Variants in BTBD9 observed in about 807,000 individuals in gnomAD.
BTBD9 encodes BTB domain containing 9, also known as BTB/POZ domain-containing protein 9.
Under a neutral mutation model 64.3 loss-of-function variants are expected in BTBD9, and 49 were observed. The observed-to-expected ratio is 0.76, with a 90% confidence interval of 0.61 to 0.97. The LOEUF (loss-of-function observed/expected upper bound fraction) is 0.97. Among genes scored for constraint, BTBD9 ranks in the 50% least tolerant of loss-of-function variants. The pLI, the probability that BTBD9 is intolerant of heterozygous loss-of-function variation, is 0.00. For missense variants in BTBD9, 598 were observed against 762.1 expected (o/e 0.78, Z 2.53); for synonymous variants, 260 against 274.7 (o/e 0.95, Z 0.53).
chr6:38,428,814 G>C (rs1001938911), intron 6 of BTBD9, among the ~76,000 whole-genome samples: 2 of 150,020 alleles, frequency 1.3e-5, no homozygotes, highest in African/African-American at 4.9e-5. Context: ...CCGGATTCAC[G>C]CCATTCTCCT....
intron 6 of BTBD9, among the ~76,000 whole-genome samples, chr6:38,513,174 G>A (rs1410214516): frequency 6.6e-6 from 1 of 152,142 alleles, no homozygotes; most frequent in African/African-American, 2.4e-5. Flanking sequence ...AAGTGCTCCT[G>A]GCTGGATGCA....
rs550900985 is a variant in BTBD9 at position 38,228,642 on chromosome 6, G to A, written c.1562+27767C>T. 2.1e-4 allele frequency among the ~76,000 whole-genome samples: 32 copies of A among 151,972 alleles called. 1 individual carries two copies. In the East Asian group the frequency reaches 5.5e-3, roughly 26 times the overall value. ...TGTAATCCCAGCACTTTGGGAGGCC[G>A]AGGTGGGTAGATCGTGAGGTCAGGA... On this transcript the variant is annotated intron_variant, in intron 9 of 10. Coordinates refer to ENST00000481247, the MANE Select transcript of BTBD9 (RefSeq NM_001099272.2).
intron 7 of BTBD9, among the ~76,000 whole-genome samples, chr6:38,294,099 C>T (rs955423929): frequency 2.6e-5 from 4 of 152,142 alleles, no homozygotes; most frequent in Non-Finnish European, 5.9e-5. Flanking sequence ...TAGAGAAATG[C>T]AAATCAAAAC....
At chr6:38,309,093 G>A (rs1762733867) in intron 7 of BTBD9, among the ~76,000 whole-genome samples, 1 of 151,700 alleles carries the variant, frequency 6.6e-6, no homozygotes, top group South Asian at 2.1e-4. Context: ...AAAAAGGCCA[G>A]GTGCAGTGGC....
intron 6 of BTBD9, among the ~76,000 whole-genome samples, chr6:38,346,475 T>TA (rs1033412334): frequency 6.6e-5 from 10 of 152,104 alleles, no homozygotes; most frequent in Non-Finnish European, 1.5e-5. Context: ...TGCTCACACC[T>TA]ACTGCAAGGA....
At chr6:38,372,309 T>C (rs147577697) in intron 6 of BTBD9, among the ~76,000 whole-genome samples, 237 of 152,350 alleles carry the variant, frequency 1.6e-3, no homozygotes, top group Middle Eastern at 3.4e-3. Flanking sequence ...GGAGTCACAT[T>C]CATTATTAAA....
intron 7 of BTBD9, among the ~76,000 whole-genome samples, chr6:38,336,496 G>A (rs1763898645): frequency 6.6e-6 from 1 of 152,120 alleles, no homozygotes; most frequent in South Asian, 2.1e-4. Flanking sequence ...GCCGAAAAAA[G>A]GGGGAAGTCC....
intron 9 of BTBD9, among the ~76,000 whole-genome samples, chr6:38,218,406 C>A (rs1763086028): frequency 6.6e-6 from 1 of 152,170 alleles, no homozygotes; most frequent in Non-Finnish European, 1.5e-5. Context: ...CCTCTTTGTG[C>A]TGCAGTCTGT....
intron 9 of BTBD9, among the ~76,000 whole-genome samples, chr6:38,225,491 C>T (rs554857157): frequency 1.3e-5 from 2 of 152,180 alleles, no homozygotes; most frequent in Non-Finnish European, 2.9e-5. Flanking sequence ...CCTGTGGAAC[C>T]ATTCCTTTAG....
At chr6:38,476,598 T>C (rs1374870863) in intron 6 of BTBD9, among the ~76,000 whole-genome samples, 1 of 152,224 alleles carries the variant, frequency 6.6e-6, no homozygotes, top group East Asian at 1.9e-4. Context: ...TCTTTTACCA[T>C]ATAAACTTCA....
intron 8 of BTBD9, among the ~76,000 whole-genome samples, chr6:38,258,661 C>G (rs759406973): frequency 6.6e-6 from 1 of 152,132 alleles, no homozygotes; most frequent in Non-Finnish European, 1.5e-5. Flanking sequence ...GAGGCCAAGG[C>G]GGGTGGATCA....
At position 38,510,002 on chromosome 6, in the gene BTBD9, T is replaced by C. The variant is rs1335065102; in HGVS notation, c.1154+67598A>G. On this transcript the variant is annotated intron_variant, in intron 6 of 10. Transcript: ENST00000481247. Reference sequence around the variant, plus strand: ...TGCATTTCAAAGATTACTATGCAAATCCTACAGTTGGCTTTGTCTCCCAGC... The same window carrying C: ...TGCATTTCAAAGATTACTATGCAAACCCTACAGTTGGCTTTGTCTCCCAGC... 3.9e-5 allele frequency among the ~76,000 whole-genome samples: 6 copies of C among 152,178 alleles called. No homozygotes were observed. In the East Asian group the frequency reaches 1.2e-3, roughly 29 times the overall value.
intron 10 of BTBD9, among the ~76,000 whole-genome samples, chr6:38,188,071 C>T (rs936225702): frequency 6.6e-6 from 1 of 152,266 alleles, no homozygotes; most frequent in African/African-American, 2.4e-5. Flanking sequence ...TGCACACCTA[C>T]AGCAGGCAAG....
intron 9 of BTBD9, among the ~76,000 whole-genome samples, chr6:38,223,231 G>A (rs1425240345): frequency 2.6e-5 from 4 of 152,098 alleles, no homozygotes; most frequent in Admixed American, 6.6e-5. Context: ...AGATTATCAC[G>A]ACAAACAAGT....
chr6:38,430,790 C>T (rs1378917496), intron 6 of BTBD9, among the ~76,000 whole-genome samples: 3 of 151,944 alleles, frequency 2.0e-5, no homozygotes, highest in South Asian at 4.1e-4. Context: ...GCTGGGATTA[C>T]AGGCATGAGC....
chr6:38,211,981 G>C (rs1032028365), intron 9 of BTBD9, among the ~76,000 whole-genome samples: 1 of 152,212 alleles, frequency 6.6e-6, no homozygotes, highest in African/African-American at 2.4e-5. Context: ...CCATGGCTGG[G>C]TGATGTGGGG....
chr6:38,608,235 A>G (rs1217145955), intron 1 of BTBD9, among the ~76,000 whole-genome samples: 3 of 152,158 alleles, frequency 2.0e-5, no homozygotes, highest in Admixed American at 6.5e-5. Context: ...TAGATCTCAG[A>G]GATTATATAA....
At chr6:38,439,110 CTT>C (rs35699356) in intron 6 of BTBD9, among the ~76,000 whole-genome samples, 28 of 64,048 alleles carry the variant, frequency 4.4e-4, no homozygotes, top group African/African-American at 8.2e-4. Context: ...TAGCAACTGA[CTT>C]TTTTTTTTTT....
chr6:38,416,940 T>G (rs1767696103), intron 6 of BTBD9, among the ~76,000 whole-genome samples: 1 of 152,136 alleles, frequency 6.6e-6, no homozygotes, highest in African/African-American at 2.4e-5. Flanking sequence ...TTTTGTTTTG[T>G]TGTTTGTTTG....
Sources: allele counts gnomAD v4.1 joint callset (sites outside exome capture counted in the v4.1 genomes callset), GRCh38; gene constraint gnomAD v4.1.1; transcripts MANE v1.5; gene names NCBI Gene and HGNC (gene_info 2026-07-23, HGNC 2026-07-21).